The following KIAA1328 variants were observed in gnomAD, a reference collection of about 807,000 sequenced individuals.
KIAA1328 encodes protein hinderin.
KIAA1328 carries 52 observed loss-of-function variants against 68.1 expected under a neutral mutation model. The observed-to-expected ratio is 0.76, with a 90% CI of 0.61 to 0.96. The LOEUF is 0.96. KIAA1328 is among the 40% of genes least tolerant of loss of function. The pLI is 0.00. For missense variants in KIAA1328, 641 were observed against 677.6 expected (o/e 0.95, Z 0.60); for synonymous variants, 232 against 239.4 (o/e 0.97, Z 0.28).
chr18:37,190,898 C>T (rs2059892615), intron 9 of KIAA1328, among the ~76,000 whole-genome samples: 1 of 152,096 alleles, frequency 6.6e-6, no homozygotes. Flanking sequence ...TTGGGCTTTT[C>T]CTTGTTATGA....
intron 7 of KIAA1328, among the ~76,000 whole-genome samples, chr18:37,092,708 C>G (rs117789823): frequency 0.012 from 1,833 of 152,268 alleles, 24 homozygotes; most frequent in Non-Finnish European, 0.015. Context: ...ATCCCAAGGA[C>G]TGGCCTGCTC....
At chr18:36,934,795 G>T (rs886762626) in intron 5 of KIAA1328, among the ~76,000 whole-genome samples, 1 of 152,132 alleles carries the variant, frequency 6.6e-6, no homozygotes, top group South Asian at 2.1e-4. Context: ...AAGTTTAGAG[G>T]TGACAAAGAC....
chr18:37,189,303 T>A (rs1273269268), intron 9 of KIAA1328, among the ~76,000 whole-genome samples: 3 of 152,016 alleles, frequency 2.0e-5, no homozygotes, highest in African/African-American at 4.8e-5. Flanking sequence ...GCTATCAGTA[T>A]AAGGACAAGT....
At chr18:37,016,324 C>A (rs902365853) in intron 6 of KIAA1328, among the ~76,000 whole-genome samples, 1 of 152,090 alleles carries the variant, frequency 6.6e-6, no homozygotes, top group Admixed American at 6.6e-5. Flanking sequence ...GTTGAACCAA[C>A]CTTGCATCCC....
chr18:36,879,826 C>T (rs1236595418), intron 4 of KIAA1328, among the ~76,000 whole-genome samples: 1 of 152,206 alleles, frequency 6.6e-6, no homozygotes, highest in South Asian at 2.1e-4. Context: ...TTTGTTTACA[C>T]TCTGAGGAGA....
At chr18:37,197,297 T>G (rs918475681) in intron 9 of KIAA1328, among the ~76,000 whole-genome samples, 3 of 152,148 alleles carry the variant, frequency 2.0e-5, no homozygotes, top group Non-Finnish European at 2.9e-5. Flanking sequence ...CTTTAAAAAT[T>G]TTTTGTCTCA....
chr18:36,993,830 G>A (rs2053283951), intron 6 of KIAA1328, among the ~76,000 whole-genome samples: 1 of 151,784 alleles, frequency 6.6e-6, no homozygotes, highest in South Asian at 2.1e-4. Context: ...TGGAGAAGAG[G>A]GTTTAATTAT....
intron 6 of KIAA1328, among the ~76,000 whole-genome samples, chr18:37,058,669 G>A (rs1215220125): frequency 6.6e-6 from 1 of 151,960 alleles, no homozygotes; most frequent in Non-Finnish European, 1.5e-5. Context: ...CCGAGATCAT[G>A]CCACTGCACT....
chr18:36,996,031 A>G (rs2053378113), intron 6 of KIAA1328, among the ~76,000 whole-genome samples: 1 of 152,174 alleles, frequency 6.6e-6, no homozygotes, highest in African/African-American at 2.4e-5. Flanking sequence ...AGTCCTCAAA[A>G]TGTTAAAAGT....
chr18:37,154,681 C>G (rs1446941431), intron 7 of KIAA1328, among the ~76,000 whole-genome samples: 1 of 152,168 alleles, frequency 6.6e-6, no homozygotes. Flanking sequence ...AGCTTGCTAT[C>G]ACCCACCATG....
At chr18:37,156,458 G>A (rs1449970534) in intron 7 of KIAA1328, among the ~76,000 whole-genome samples, 23 of 150,598 alleles carry the variant, frequency 1.5e-4, no homozygotes, top group Admixed American at 1.5e-3. Context: ...AAAAAGAATG[G>A]GAACGAGGGC....
intron 7 of KIAA1328, among the ~76,000 whole-genome samples, chr18:37,120,457 G>T (rs180931485): frequency 6.6e-6 from 1 of 152,110 alleles, no homozygotes; most frequent in African/African-American, 2.4e-5. Context: ...GAAAGAAAGG[G>T]GGATGAGAAG....
intron 5 of KIAA1328, among the ~76,000 whole-genome samples, chr18:36,899,080 A>C (rs1434806040): frequency 6.6e-6 from 1 of 151,978 alleles, no homozygotes; most frequent in Non-Finnish European, 1.5e-5. Context: ...AGGAAGAAAT[A>C]CATATTTCAT....
At position 36,941,552 on chromosome 18, in the gene KIAA1328, G is replaced by A. The variant is rs545432697; in HGVS notation, c.449-17756G>A. ...GGAGGTTGCAGTGAGCTGAGACTGC[G>A]CCACTGCACTCTAGCCTGGGCGACA... On this transcript the variant is annotated intron_variant, in intron 5 of 9. Coordinates refer to ENST00000280020, the MANE Select transcript of KIAA1328 (RefSeq NM_020776.3). Among the ~76,000 whole-genome samples, 162 of 152,176 alleles carry A rather than the reference G, an allele frequency of 1.1e-3. 2 individuals are homozygous for A. Among genetic ancestry groups the A allele is most frequent in the African/African-American group, 3.7e-3 (155 of 41,516 alleles).
intron 4 of KIAA1328, among the ~76,000 whole-genome samples, chr18:36,856,614 T>A (rs1385477153): frequency 1.3e-5 from 2 of 152,176 alleles, no homozygotes; most frequent in East Asian, 3.9e-4. Flanking sequence ...GTTCTTTGAG[T>A]GTATTCAGGA....
intron 4 of KIAA1328, among the ~76,000 whole-genome samples, chr18:36,880,888 A>G (rs2048307067): frequency 6.6e-6 from 1 of 152,184 alleles, no homozygotes; most frequent in Non-Finnish European, 1.5e-5. Context: ...GTTAATTTTC[A>G]ACTGTTAATC....
At chr18:36,847,922 C>CT (rs1217440412) in intron 4 of KIAA1328, among the ~76,000 whole-genome samples, 1 of 151,674 alleles carries the variant, frequency 6.6e-6, no homozygotes, top group Non-Finnish European at 1.5e-5. Context: ...TTTCTAGACT[C>CT]TTTGTTTCAT....
At chr18:36,906,722 G>A (rs1489124245) in intron 5 of KIAA1328, among the ~76,000 whole-genome samples, 1 of 151,492 alleles carries the variant, frequency 6.6e-6, no homozygotes, top group Non-Finnish European at 1.5e-5. Flanking sequence ...GTTGCTTTTG[G>A]CTTTTGGTAA....
chr18:37,174,955 G>A (rs1220062996), intron 9 of KIAA1328, among the ~76,000 whole-genome samples: 1 of 152,130 alleles, frequency 6.6e-6, no homozygotes, highest in Non-Finnish European at 1.5e-5. Flanking sequence ...ACAGGTGTGA[G>A]CCACCATGCC....
Sources: allele counts gnomAD v4.1 joint callset (sites outside exome capture counted in the v4.1 genomes callset), GRCh38; gene constraint gnomAD v4.1.1; transcripts MANE v1.5; gene names NCBI Gene and HGNC (gene_info 2026-07-23, HGNC 2026-07-21).